Variants in FAM169A observed in about 807,000 individuals in gnomAD.
FAM169A encodes soluble lamin-associated protein of 75 kDa.
A neutral mutation model predicts 75.7 loss-of-function variants in FAM169A; 24 were observed. The ratio of observed to expected loss-of-function variants is 0.32; its 90% confidence interval spans 0.23 to 0.45. The LOEUF (loss-of-function observed/expected upper bound fraction) is 0.45, where lower values mean the gene tolerates loss of function less well. Among genes scored for constraint, FAM169A ranks in the 20% least tolerant of loss-of-function variants. The probability of loss-of-function intolerance (pLI) is 1.00; values close to 1 mark genes in which losing one functional copy is unlikely to be tolerated. For synonymous variants in FAM169A, 271 were observed against 271.0 expected (o/e 1.00, Z 0.00); for missense variants, 673 against 784.0 (o/e 0.86, Z 1.69).
chr5:74,820,771 T>C (rs984532221), intron 5 of FAM169A, among the ~76,000 whole-genome samples: 2 of 152,180 alleles, frequency 1.3e-5, no homozygotes, highest in African/African-American at 2.4e-5. Flanking sequence ...ATGTTACTCC[T>C]ATACCCAAAA....
At chr5:74,866,570 G>C (rs1381028728), upstream of FAM169A, 2 of 513,860 alleles carry the variant, frequency 3.9e-6, no homozygotes, top group Non-Finnish European at 2.5e-6. Flanking sequence ...GGCGTCACGC[G>C]GCCCCCGCCT....
chr5:74,799,058 A>C, intron 10 of FAM169A: 1 of 1,026,102 alleles, frequency 9.7e-7, no homozygotes, highest in South Asian at 1.3e-5. Flanking sequence ...GATCGTACCC[A>C]GATTGCCCTC....
chr5:74,864,328 T>A (rs1324456709), intron 1 of FAM169A, among the ~76,000 whole-genome samples: 1 of 152,220 alleles, frequency 6.6e-6, no homozygotes, highest in Non-Finnish European at 1.5e-5. Flanking sequence ...CCTCCTGGGT[T>A]CAAGTGATTC....
At chr5:74,845,931 T>TAAC (rs1188438375) in intron 1 of FAM169A, among the ~76,000 whole-genome samples, 1 of 152,208 alleles carries the variant, frequency 6.6e-6, no homozygotes, top group African/African-American at 2.4e-5. Context: ...TAAGGAAATA[T>TAAC]AACATTATGT....
chr5:74,801,582 T>C lies in FAM169A; in HGVS notation c.952+8A>G, dbSNP rs950931052. ...AATACTTACTGATATATCAGTTGAATTTCTTACCTTCGGAAGTGCTTGCAA... is the reference window on the plus strand; with the variant it reads ...AATACTTACTGATATATCAGTTGAACTTCTTACCTTCGGAAGTGCTTGCAA... On this transcript the variant is annotated splice_region_variant and intron_variant, in intron 9 of 12. Transcript: ENST00000687041. The C allele has an allele frequency of 6.2e-7, 1 of 1,607,196 alleles. No homozygotes were observed. Among genetic ancestry groups the C allele is most frequent in the Non-Finnish European group, 8.5e-7 (1 of 1,174,038 alleles).
At chr5:74,847,852 T>C (rs565897080) in intron 1 of FAM169A, among the ~76,000 whole-genome samples, 2 of 152,326 alleles carry the variant, frequency 1.3e-5, no homozygotes, top group East Asian at 1.9e-4. Flanking sequence ...AAAGATTTTT[T>C]TCATATACAA....
intron 11 of FAM169A, among the ~76,000 whole-genome samples, chr5:74,786,069 C>T (rs1440463979): frequency 3.9e-5 from 6 of 152,112 alleles, no homozygotes; most frequent in East Asian, 1.9e-4. Context: ...GGCAGAAGAA[C>T]GTGGAGAGAT....
chr5:74,827,987 T>C (rs896381648), intron 5 of FAM169A, among the ~76,000 whole-genome samples: 1 of 152,112 alleles, frequency 6.6e-6, no homozygotes, highest in Admixed American at 6.6e-5. Flanking sequence ...ATTTTTTAAT[T>C]AGTTTATGAG....
intron 8 of FAM169A, among the ~76,000 whole-genome samples, chr5:74,803,950 T>TA (rs1458863618): frequency 6.6e-6 from 1 of 152,112 alleles, no homozygotes; most frequent in Non-Finnish European, 1.5e-5. Context: ...TTAAAAATGT[T>TA]AAAAATTTAA....
At position 74,801,595 on chromosome 5, in the gene FAM169A, G is replaced by A; in HGVS notation, c.947C>T (p.Ser316Phe). Residue 316 changes from serine (S) to phenylalanine (F), a missense_variant, in exon 9 of 13, where the codon TCC becomes TTC. Transcript: ENST00000687041. ...ATATCAGTTGAATTTCTTACCTTCG[G>A]AAGTGCTTGCAAAGGCATCTTTTAG... ...DSLKDAFASTSEGHDKTSVST... is the reference protein window; with the variant it reads ...DSLKDAFASTFEGHDKTSVST... 2 of 1,609,358 alleles carry A rather than the reference G, an allele frequency of 1.2e-6. No individual in the cohort carries two copies. The highest frequency in any genetic ancestry group is 1.7e-6 in the Non-Finnish European group (2 of 1,177,532).
chr5:74,856,772 T>C (rs1749727924), intron 1 of FAM169A, among the ~76,000 whole-genome samples: 1 of 149,164 alleles, frequency 6.7e-6, no homozygotes, highest in Admixed American at 6.7e-5. Flanking sequence ...GATCAGACAG[T>C]ATCTGCAGTG....
chr5:74,807,061 C>G (rs1746921882), intron 6 of FAM169A, among the ~76,000 whole-genome samples: 2 of 152,144 alleles, frequency 1.3e-5, no homozygotes, highest in Admixed American at 1.3e-4. Context: ...CTTTTATGAT[C>G]CAATTCTACT....
At chr5:74,807,593 A>G (rs2112553861) in intron 6 of FAM169A, among the ~76,000 whole-genome samples, 1 of 152,362 alleles carries the variant, frequency 6.6e-6, no homozygotes, top group East Asian at 1.9e-4. Flanking sequence ...CATTTGTAAC[A>G]TTCATTACAG....
chr5:74,850,307 A>C (rs1341816022), intron 1 of FAM169A, among the ~76,000 whole-genome samples: 2 of 152,240 alleles, frequency 1.3e-5, no homozygotes, highest in Non-Finnish European at 2.9e-5. Flanking sequence ...GTCTGAAAGC[A>C]CAGCATCTCA....
chr5:74,807,840 T>A (rs1746967947), intron 6 of FAM169A, among the ~76,000 whole-genome samples: 1 of 152,122 alleles, frequency 6.6e-6, no homozygotes, highest in Non-Finnish European at 1.5e-5. Flanking sequence ...TAAATAAGGC[T>A]AGGCACAGCG....
intron 1 of FAM169A, among the ~76,000 whole-genome samples, chr5:74,841,982 T>C (rs1428878010): frequency 6.6e-6 from 1 of 151,806 alleles, no homozygotes; most frequent in African/African-American, 2.4e-5. Flanking sequence ...CACACAAAAA[T>C]ACACATATAA....
chr5:74,815,073 T>C (rs998515142), intron 5 of FAM169A, among the ~76,000 whole-genome samples: 1 of 152,242 alleles, frequency 6.6e-6, no homozygotes, highest in Non-Finnish European at 1.5e-5. Flanking sequence ...GAACTATTTA[T>C]GACTGAATTG....
At chr5:74,866,669 G>A (rs1010154585), upstream of FAM169A, 3 of 879,090 alleles carry the variant, frequency 3.4e-6, no homozygotes, top group Non-Finnish European at 4.1e-6. Context: ...ATTAAAGAGT[G>A]ACCTTGGCTT....
At chr5:74,827,541 G>A (rs1337980777) in intron 5 of FAM169A, among the ~76,000 whole-genome samples, 1 of 151,686 alleles carries the variant, frequency 6.6e-6, no homozygotes, top group Non-Finnish European at 1.5e-5. Flanking sequence ...AAGAAATTTG[G>A]AATTATTATA....
Sources: gnomAD v4.1 joint callset for allele counts (sites outside exome capture counted in the v4.1 genomes callset) on GRCh38, gnomAD v4.1.1 for gene constraint, MANE v1.5 for transcripts, NCBI Gene and HGNC (gene_info 2026-07-23, HGNC 2026-07-21) for gene names.